GPC5: variants seen among roughly 807,000 people sequenced by gnomAD.
GPC5 encodes glypican 5, also known as glypican-5.
Under a neutral mutation model 53.9 loss-of-function variants are expected in GPC5, and 47 were observed. That is an observed-to-expected ratio of 0.87 (90% confidence interval 0.69 to 1.11). GPC5 has a LOEUF of 1.11. Ranked by LOEUF, GPC5 falls within the 50% of genes most tolerant of loss-of-function variation. GPC5 has a pLI of 0.00. For synonymous variants in GPC5, 286 were observed against 263.3 expected (o/e 1.09, Z -0.84); for missense variants, 748 against 713.1 (o/e 1.05, Z -0.56).
chr13:92,728,043 A>G (rs964038119), intron 7 of GPC5, among the ~76,000 whole-genome samples: 2 of 151,460 alleles, frequency 1.3e-5, no homozygotes, highest in African/African-American at 4.8e-5. Flanking sequence ...TCTTTGGACT[A>G]TGGTGTTTTA....
chr13:92,662,623 A>C (rs1360502864), intron 7 of GPC5, among the ~76,000 whole-genome samples: 1 of 152,076 alleles, frequency 6.6e-6, no homozygotes, highest in Non-Finnish European at 1.5e-5. Flanking sequence ...GATAACTGCC[A>C]CTCAGCTACT....
chr13:91,485,799 T>C (rs1273165117), intron 2 of GPC5: 2 of 152,208 alleles, frequency 1.3e-5, no homozygotes, highest in African/African-American at 4.8e-5. Flanking sequence ...GTTTCAATTA[T>C]ATAGGCACAG....
chr13:91,696,102 T>C (rs2035873637), intron 3 of GPC5, among the ~76,000 whole-genome samples: 1 of 152,188 alleles, frequency 6.6e-6, no homozygotes, highest in Non-Finnish European at 1.5e-5. Context: ...TGGTAGGCAG[T>C]TGGTACCTGA....
intron 6 of GPC5, among the ~76,000 whole-genome samples, chr13:92,031,469 A>G (rs1017719414): frequency 1.3e-5 from 2 of 151,522 alleles, no homozygotes; most frequent in African/African-American, 4.9e-5. Flanking sequence ...ACTGTTTTCC[A>G]TAGTGATTGT....
intron 5 of GPC5, among the ~76,000 whole-genome samples, chr13:91,834,546 A>T (rs1418439419): frequency 6.6e-6 from 1 of 152,170 alleles, no homozygotes; most frequent in Non-Finnish European, 1.5e-5. Flanking sequence ...ACTAAAACAG[A>T]TATATAGACC....
intron 2 of GPC5, among the ~76,000 whole-genome samples, chr13:91,603,949 G>GT (rs542915152): frequency 0.073 from 10,298 of 141,884 alleles, 458 homozygotes; most frequent in Non-Finnish European, 0.1. Context: ...GTTCTTACTA[G>GT]TTTTTTTTTT....
rs139293987 is a variant in GPC5 at position 92,768,073 on chromosome 13, A to G, written c.1562-98209A>G. 2.0e-3 allele frequency among the ~76,000 whole-genome samples: 308 copies of G among 152,340 alleles called. 1 individual carries two copies. Among genetic ancestry groups the G allele is most frequent in the African/African-American group, 7.2e-3 (301 of 41,576 alleles). ...AAATATGTGAAAACCCTCAATCCAG[A>G]TAAATGAATGTTAACAAAATGCATT... On this transcript the variant is annotated intron_variant, in intron 7 of 7. Transcript: ENST00000377067.
chr13:92,653,264 G>T (rs560064247), intron 7 of GPC5, among the ~76,000 whole-genome samples: 1 of 152,264 alleles, frequency 6.6e-6, no homozygotes, highest in East Asian at 1.9e-4. Context: ...GACAATTATT[G>T]GTTGATGGCT....
At chr13:91,462,976 G>A (rs1306981404) in intron 2 of GPC5, among the ~76,000 whole-genome samples, 1 of 151,796 alleles carries the variant, frequency 6.6e-6, no homozygotes. Context: ...TTAATGATTG[G>A]TACCACTGTT....
chr13:92,711,345 C>T (rs1888133657), intron 7 of GPC5, among the ~76,000 whole-genome samples: 1 of 152,146 alleles, frequency 6.6e-6, no homozygotes, highest in African/African-American at 2.4e-5. Context: ...TCAACTTGTA[C>T]ACTGTCATGG....
chr13:91,539,931 G>A (rs896694969), intron 2 of GPC5, among the ~76,000 whole-genome samples: 21 of 151,938 alleles, frequency 1.4e-4, no homozygotes, highest in African/African-American at 4.6e-4. Flanking sequence ...TAATGGGGAC[G>A]TGTTTGCTTT....
At chr13:92,653,325 CTACTT>C (rs1302149902) in intron 7 of GPC5, among the ~76,000 whole-genome samples, 2 of 152,136 alleles carry the variant, frequency 1.3e-5, no homozygotes, top group African/African-American at 2.4e-5. Context: ...CATGCCCAAT[CTACTT>C]TATCTTTAAG....
At chr13:91,930,797 C>A (rs562304155) in intron 6 of GPC5, among the ~76,000 whole-genome samples, 2 of 152,058 alleles carry the variant, frequency 1.3e-5, no homozygotes, top group Non-Finnish European at 2.9e-5. Flanking sequence ...GGCACTTCAA[C>A]ATGTCAGCTG....
intron 7 of GPC5, among the ~76,000 whole-genome samples, chr13:92,260,368 C>T (rs137921198): frequency 2.6e-5 from 4 of 152,310 alleles, no homozygotes; most frequent in Non-Finnish European, 5.9e-5. Flanking sequence ...CTCTCATCTT[C>T]ATTCCTCAGC....
intron 4 of GPC5, among the ~76,000 whole-genome samples, chr13:91,733,517 G>A (rs966530000): frequency 1.3e-5 from 2 of 152,174 alleles, no homozygotes; most frequent in African/African-American, 4.8e-5. Flanking sequence ...GCAGTGGTGT[G>A]TAGTTCTCCT....
intron 1 of GPC5, among the ~76,000 whole-genome samples, chr13:91,430,215 A>G (rs1222387339): frequency 2.0e-5 from 3 of 152,200 alleles, no homozygotes; most frequent in African/African-American, 7.2e-5. Context: ...AACAGGAGAA[A>G]TTTTAGCACA....
chr13:91,415,280 T>C (rs1878115976), intron 1 of GPC5, among the ~76,000 whole-genome samples: 1 of 152,198 alleles, frequency 6.6e-6, no homozygotes, highest in Non-Finnish European at 1.5e-5. Context: ...ACAAGTTCAG[T>C]GTTCTTCCCC....
chr13:92,510,229 G>A (rs1880516694), intron 7 of GPC5: 2 of 151,862 alleles, frequency 1.3e-5, no homozygotes, highest in South Asian at 2.1e-4. Flanking sequence ...AAAATTAAAG[G>A]CATCTTTATG....
intron 7 of GPC5, among the ~76,000 whole-genome samples, chr13:92,640,979 G>A (rs1266695004): frequency 6.6e-6 from 1 of 151,844 alleles, no homozygotes; most frequent in Non-Finnish European, 1.5e-5. Flanking sequence ...ATGGGGTGGC[G>A]GGGGAGGGGA....
Sources: allele counts gnomAD v4.1 joint callset (sites outside exome capture counted in the v4.1 genomes callset), GRCh38; gene constraint gnomAD v4.1.1; transcripts MANE v1.5; gene names NCBI Gene and HGNC (gene_info 2026-07-23, HGNC 2026-07-21).